Variants in DLGAP2 observed in about 807,000 individuals in gnomAD.
DLGAP2 encodes disks large-associated protein 2.
In DLGAP2, 26 loss-of-function variants were observed where a neutral mutation model predicts 100.3. That is an observed-to-expected ratio of 0.26 (90% CI 0.19 to 0.36). The LOEUF (loss-of-function observed/expected upper bound fraction) is 0.36, where lower values mean the gene tolerates loss of function less well. DLGAP2 is among the 10% of genes least tolerant of loss of function. The pLI is 1.00. For synonymous variants in DLGAP2, 886 were observed against 630.1 expected (o/e 1.41, Z -6.08); for missense variants, 1,858 against 1,453.2 (o/e 1.28, Z -4.53).
chr8:1,004,245 C>G (rs563898374), intron 2 of DLGAP2, among the ~76,000 whole-genome samples: 1 of 152,322 alleles, frequency 6.6e-6, no homozygotes, highest in South Asian at 2.1e-4. Flanking sequence ...GCTGCTTTTT[C>G]TCTAGGGACC....
chr8:1,481,471 C>CTTTTTTTTTTTTTTTTTTTTTTT (rs1165790168), intron 3 of DLGAP2, among the ~76,000 whole-genome samples: 1 of 43,670 alleles, frequency 2.3e-5, no homozygotes, highest in African/African-American at 6.9e-5. Flanking sequence ...TTTTCTTTTT[C>CTTTTTTTTTTTTTTTTTTTTTTT]TTTTTTTTTT....
intron 2 of DLGAP2, among the ~76,000 whole-genome samples, chr8:1,220,466 G>T (rs1413577855): frequency 1.3e-5 from 2 of 152,108 alleles, no homozygotes; most frequent in African/African-American, 2.4e-5. Context: ...TGGTCCAAGA[G>T]TGTGCTTGGT....
intron 8 of DLGAP2, among the ~76,000 whole-genome samples, chr8:1,665,802 G>T (rs58853139): frequency 0.042 from 6,350 of 152,306 alleles, 443 homozygotes; most frequent in African/African-American, 0.14. Context: ...TAAAGATTCT[G>T]TTTTCTGTAA....
intron 2 of DLGAP2, among the ~76,000 whole-genome samples, chr8:1,047,677 A>G (rs1049620418): frequency 1.3e-5 from 2 of 151,638 alleles, no homozygotes; most frequent in African/African-American, 4.8e-5. Flanking sequence ...ACTGTGTCCC[A>G]CTGTGTCCCA....
intron 2 of DLGAP2, among the ~76,000 whole-genome samples, chr8:1,192,719 T>C (rs1797666229): frequency 6.6e-6 from 1 of 151,558 alleles, no homozygotes; most frequent in East Asian, 1.9e-4. Context: ...GTGTGCACAA[T>C]GTGCAGGTTA....
At chr8:1,671,855 T>C (rs1322501120) in intron 10 of DLGAP2, among the ~76,000 whole-genome samples, 2 of 152,232 alleles carry the variant, frequency 1.3e-5, no homozygotes, top group Non-Finnish European at 2.9e-5. Flanking sequence ...TAGGAGAGAA[T>C]GGGCTCCAGC....
chr8:1,513,637 T>TG (rs1182605052), intron 4 of DLGAP2, among the ~76,000 whole-genome samples: 3 of 152,240 alleles, frequency 2.0e-5, no homozygotes, highest in African/African-American at 7.2e-5. Context: ...TAAGCCCTCC[T>TG]GGTCGTGTAT....
At chr8:1,152,946 A>T (rs1291504286) in intron 2 of DLGAP2, among the ~76,000 whole-genome samples, 7 of 152,254 alleles carry the variant, frequency 4.6e-5, no homozygotes, top group African/African-American at 1.7e-4. Flanking sequence ...CGCCCACTCA[A>T]ACATTTTTCC....
chr8:1,318,372 T>C (rs1269789729), intron 3 of DLGAP2, among the ~76,000 whole-genome samples: 1 of 151,828 alleles, frequency 6.6e-6, no homozygotes, highest in Non-Finnish European at 1.5e-5. Flanking sequence ...ATCTTCATAT[T>C]GTATTTCTCC....
intron 1 of DLGAP2, among the ~76,000 whole-genome samples, chr8:867,209 AG>A (rs1241121957): frequency 3.9e-5 from 6 of 152,258 alleles, no homozygotes; most frequent in African/African-American, 1.4e-4. Flanking sequence ...GCTTTATGCA[AG>A]AAAAATGCTG....
rs375164454 is a variant in DLGAP2, at chr8:1,549,326, C to G, written c.873C>G (p.Pro291=). 9.3e-6 allele frequency: 15 copies of G among 1,612,972 alleles called. No homozygotes were observed. Among genetic ancestry groups the G allele is most frequent in the South Asian group, 2.2e-5 (2 of 91,058 alleles). The change falls in exon 5 of 15, where the codon CCC becomes CCG. Residue 291 remains proline, a synonymous_variant. Coordinates refer to ENST00000637795, the MANE Select transcript of DLGAP2 (RefSeq NM_001346810.2). The part of the protein sequence containing the change: ...KERKPEGKPR[P]GMSSWWSSDD... ...GCAAGCCGGAGGGCAAGCCCCGGCC[C>G]GGCATGAGCAGCTGGTGGAGCTCGG...
intron 6 of DLGAP2, among the ~76,000 whole-genome samples, chr8:1,602,692 A>T (rs1233524836): frequency 6.6e-6 from 1 of 152,190 alleles, no homozygotes; most frequent in Non-Finnish European, 1.5e-5. Context: ...GAGTGACAGC[A>T]GTTTATTCAT....
intron 4 of DLGAP2, among the ~76,000 whole-genome samples, chr8:1,531,513 T>A (rs1051071315): frequency 6.6e-6 from 1 of 152,184 alleles, no homozygotes; most frequent in Non-Finnish European, 1.5e-5. Context: ...ATACTGATAA[T>A]TTTTTGAAGG....
chr8:1,616,798 C>T (rs548728464), intron 6 of DLGAP2, among the ~76,000 whole-genome samples: 3 of 634 alleles, frequency 4.7e-3, no homozygotes, highest in East Asian at 0.026. Flanking sequence ...GGTAAACTCA[C>T]GTCATGTGGG....
chr8:1,439,811 C>T (rs549825753), intron 3 of DLGAP2, among the ~76,000 whole-genome samples: 41 of 152,254 alleles, frequency 2.7e-4, no homozygotes, highest in South Asian at 1.9e-3. Flanking sequence ...CAGGGCCTGG[C>T]ATTTGAGGGC....
In DLGAP2 at chr8:1,626,001, GCTGT is replaced by G. The variant is rs1475843912; in HGVS notation, c.1443-738_1443-735del. ...TCAGCCTCTGGGTGTGGGTTGGACG[GCTGT>G]TCCCATCTCTACCCTGTGGCGGGTG... On this transcript the variant is annotated intron_variant, in intron 6 of 14. Transcript: ENST00000637795. Among the ~76,000 whole-genome samples, 424 of 150,150 alleles carry G rather than the reference GCTGT, an allele frequency of 2.8e-3. 52 individuals are homozygous for G. Among genetic ancestry groups the G allele is most frequent in the Middle Eastern group, 7.0e-3 (2 of 286 alleles).
At chr8:1,053,485 G>A (rs959846152) in intron 2 of DLGAP2, among the ~76,000 whole-genome samples, 6 of 152,198 alleles carry the variant, frequency 3.9e-5, no homozygotes, top group African/African-American at 1.4e-4. Flanking sequence ...CAGTCAGTTC[G>A]CAGTCTCCGA....
At chr8:1,633,462 A>G (rs570231114) in intron 8 of DLGAP2, among the ~76,000 whole-genome samples, 1 of 152,162 alleles carries the variant, frequency 6.6e-6, no homozygotes, top group African/African-American at 2.4e-5. Flanking sequence ...CAGTAAGCAG[A>G]TCTGTAAACA....
intron 1 of DLGAP2, among the ~76,000 whole-genome samples, chr8:750,242 G>A (rs765464133): frequency 1.3e-5 from 2 of 152,226 alleles, no homozygotes; most frequent in Admixed American, 6.5e-5. Flanking sequence ...GGCACCACCC[G>A]TGGGCACTGG....
Sources: allele counts gnomAD v4.1 joint callset (sites outside exome capture counted in the v4.1 genomes callset), GRCh38; gene constraint gnomAD v4.1.1; transcripts MANE v1.5; gene names NCBI Gene and HGNC (gene_info 2026-07-23, HGNC 2026-07-21).